Variants in NRCAM observed in about 807,000 individuals in gnomAD.
NRCAM encodes NgCAM-related cell adhesion molecule.
In NRCAM, 83 loss-of-function variants were observed where a neutral mutation model predicts 156.5. The observed-to-expected ratio is 0.53, with a 90% CI of 0.44 to 0.64. The LOEUF (loss-of-function observed/expected upper bound fraction) is 0.64. NRCAM is among the 30% of genes least tolerant of loss of function. NRCAM has a pLI of 0.00. For synonymous variants in NRCAM, 538 were observed against 563.9 expected, an observed-to-expected ratio of 0.95 and a Z score of 0.65; for missense variants, 1,417 against 1,597.3, an observed-to-expected ratio of 0.89 and a Z score of 1.92.
chr7:108,158,241 G>A (rs550132246), intron 32 of NRCAM, among the ~76,000 whole-genome samples: 1 of 152,002 alleles, frequency 6.6e-6, no homozygotes, highest in Non-Finnish European at 1.5e-5. Context: ...GCATTTTTCT[G>A]TACCATGAGA....
intron 20 of NRCAM, among the ~76,000 whole-genome samples, chr7:108,185,119 G>C (rs1236414147): frequency 6.6e-6 from 1 of 152,020 alleles, no homozygotes; most frequent in Non-Finnish European, 1.5e-5. Flanking sequence ...AATAATCAAA[G>C]GTTTAACACA....
chr7:108,388,581 A>G (rs1461094519), intron 2 of NRCAM, among the ~76,000 whole-genome samples: 1 of 152,110 alleles, frequency 6.6e-6, no homozygotes, highest in Non-Finnish European at 1.5e-5. Context: ...CCATTTGTCA[A>G]TTTTGGCTTT....
chr7:108,276,029 T>A (rs566016340), intron 3 of NRCAM, among the ~76,000 whole-genome samples: 2 of 152,244 alleles, frequency 1.3e-5, no homozygotes, highest in Non-Finnish European at 2.9e-5. Context: ...TCAGTTTCCA[T>A]GTAGTTGTGC....
At chr7:108,182,365 G>C (rs373914243) in intron 23 of NRCAM, among the ~76,000 whole-genome samples, 3 of 151,974 alleles carry the variant, frequency 2.0e-5, no homozygotes, top group African/African-American at 7.3e-5. Context: ...AGTATTCCTG[G>C]GTGCAAAACC....
chr7:108,363,342 T>C (rs936069183), intron 2 of NRCAM, among the ~76,000 whole-genome samples: 4 of 152,096 alleles, frequency 2.6e-5, no homozygotes, highest in African/African-American at 9.7e-5. Context: ...GGTGCGCTCA[T>C]AGTACGACGT....
At chr7:108,338,493 C>A (rs1331242464) in intron 2 of NRCAM, among the ~76,000 whole-genome samples, 1 of 152,068 alleles carries the variant, frequency 6.6e-6, no homozygotes, top group Non-Finnish European at 1.5e-5. Context: ...TTATGTGGGA[C>A]CCATTCCCCA....
Position 108,167,020 on chromosome 7 carries a change from A to G in NRCAM, c.3367T>C (p.Leu1123=), listed in dbSNP as rs370894588. Reference sequence around the variant, plus strand: ...GCTGTTCCTGGCATTAGACCCTTTAACCCAAAGAAGCTCCGAGAACCATTT... The same window carrying G: ...GCTGTTCCTGGCATTAGACCCTTTAGCCCAAAGAAGCTCCGAGAACCATTT... ...IVNGSRSFFG[L]KGLMPGTAYK... is the part of the protein sequence containing the mutation. The change falls in exon 30 of 33, where the codon TTA becomes CTA. Residue 1123 remains leucine (L), a synonymous_variant. Coordinates refer to ENST00000379028, the MANE Select transcript of NRCAM (RefSeq NM_001037132.4). 13 of 1,613,842 alleles carry G rather than the reference A, an allele frequency of 8.1e-6. No individual in the cohort carries two copies. The highest frequency in any genetic ancestry group is 9.3e-6 in the Non-Finnish European group (11 of 1,179,820).
intron 17 of NRCAM, among the ~76,000 whole-genome samples, chr7:108,192,203 G>A (rs1261369167): frequency 6.6e-6 from 1 of 151,976 alleles, no homozygotes; most frequent in Non-Finnish European, 1.5e-5. Flanking sequence ...GTTTCCTTAG[G>A]CCCCAGGGGA....
intron 2 of NRCAM, among the ~76,000 whole-genome samples, chr7:108,350,733 T>C (rs981881934): frequency 3.9e-5 from 6 of 152,254 alleles, no homozygotes; most frequent in South Asian, 2.1e-4. Flanking sequence ...CCTTAACTTA[T>C]TGTTTTTCTT....
intron 11 of NRCAM, among the ~76,000 whole-genome samples, chr7:108,222,171 T>C (rs999455548): frequency 2.6e-5 from 4 of 152,198 alleles, no homozygotes; most frequent in Non-Finnish European, 2.9e-5. Flanking sequence ...TCAGATGATA[T>C]GAAGGTAAGA....
At chr7:108,158,893 T>G (rs2047112575) in intron 32 of NRCAM, among the ~76,000 whole-genome samples, 1 of 152,076 alleles carries the variant, frequency 6.6e-6, no homozygotes, top group Non-Finnish European at 1.5e-5. Flanking sequence ...AATGATGGAG[T>G]CAAGCCAAGA....
chr7:108,207,255 C>T lies in NRCAM; in HGVS notation c.1207+273G>A. 3 of 270,590 alleles carry T rather than the reference C, an allele frequency of 1.1e-5. No individual in the cohort carries two copies. In the South Asian group the frequency reaches 2.3e-4, roughly 21 times the overall value. 16.8% of individuals were successfully genotyped at this position (270,590 alleles called of 1,614,324 possible). The stretch of plus-strand genomic sequence containing the variant: ...ACTTTGAAGTGATATTTATTTCTGA[C>T]CCTGTCATTCTTCCCATTATCCATG... On this transcript the variant is annotated intron_variant, in intron 13 of 32. Coordinates refer to ENST00000379028, the MANE Select transcript of NRCAM (RefSeq NM_001037132.4).
chr7:108,344,880 C>T (rs2099336310), intron 2 of NRCAM, among the ~76,000 whole-genome samples: 1 of 152,072 alleles, frequency 6.6e-6, no homozygotes, highest in African/African-American at 2.4e-5. Context: ...AACAAAAATA[C>T]ATTTTAGAAA....
chr7:108,383,583 C>T (rs1990711), intron 2 of NRCAM, among the ~76,000 whole-genome samples: 101,818 of 152,016 alleles, frequency 0.67, 34,635 homozygotes, highest in East Asian at 0.93. Context: ...GGGCAGTCAT[C>T]TGGCTCATGG....
intron 13 of NRCAM, among the ~76,000 whole-genome samples, chr7:108,205,292 AC>A (rs2080508986): frequency 2.6e-5 from 4 of 152,164 alleles, no homozygotes; most frequent in Non-Finnish European, 5.9e-5. Context: ...TTGATCTTGG[AC>A]TTTCCAGCCT....
intron 4 of NRCAM, among the ~76,000 whole-genome samples, chr7:108,238,390 G>C (rs2095278456): frequency 6.6e-6 from 1 of 152,178 alleles, no homozygotes; most frequent in South Asian, 2.1e-4. Context: ...ACTTGTTCAT[G>C]TAGTAGAGAA....
At chr7:108,257,005 GA>G (rs777855116) in intron 3 of NRCAM, among the ~76,000 whole-genome samples, 769 of 49,950 alleles carry the variant, frequency 0.015, 7 homozygotes, top group African/African-American at 0.043. Context: ...GAAGACTGTC[GA>G]AAAAAAAAAA....
intron 2 of NRCAM, among the ~76,000 whole-genome samples, chr7:108,380,764 T>C (rs943439018): frequency 1.3e-5 from 2 of 152,176 alleles, no homozygotes; most frequent in African/African-American, 4.8e-5. Flanking sequence ...CTCAGCTTCC[T>C]GGGCTCAAGT....
chr7:108,240,628 G>A (rs549068367), intron 3 of NRCAM, among the ~76,000 whole-genome samples: 1 of 152,284 alleles, frequency 6.6e-6, no homozygotes, highest in East Asian at 1.9e-4. Flanking sequence ...TACCAGATGA[G>A]CACTGACTAT....
Sources: gnomAD v4.1 joint callset for allele counts (sites outside exome capture counted in the v4.1 genomes callset) on GRCh38, gnomAD v4.1.1 for gene constraint, MANE v1.5 for transcripts, NCBI Gene and HGNC (gene_info 2026-07-23, HGNC 2026-07-21) for gene names.